SCN11A: variants seen among roughly 807,000 people sequenced by gnomAD.
The protein encoded by SCN11A is sodium channel protein type 11 subunit alpha.
Under a neutral mutation model 162.2 loss-of-function variants are expected in SCN11A, and 122 were observed. That is an observed-to-expected ratio of 0.75 (90% CI 0.65 to 0.87). The LOEUF (loss-of-function observed/expected upper bound fraction) is 0.87, where lower values mean the gene tolerates loss of function less well. SCN11A is among the 40% of genes least tolerant of loss of function. The pLI is 0.00. For synonymous variants in SCN11A, 758 were observed against 751.5 expected (o/e 1.01, Z -0.14); for missense variants, 2,015 against 2,181.6 (o/e 0.92, Z 1.52).
chr3:38,885,324 C>G lies in SCN11A; in HGVS notation c.3028G>C (p.Val1010Leu). The G allele has an allele frequency of 6.2e-7, 1 of 1,613,260 alleles. No homozygotes were observed. The highest frequency in any genetic ancestry group is 8.5e-7 in the Non-Finnish European group (1 of 1,179,238). Residue 1010 changes from valine (V) to leucine (L), a missense_variant, in exon 21 of 30, where the codon GTT becomes CTT. By Grantham distance (32) the Val-to-Leu change is conservative (BLOSUM62 1). Transcript: ENST00000302328. ...QDGFGWLPEM[V>L]PKKQPERCLP... ...CATCTCTCTGGTTGCTTTTTGGGAA[C>G]CATCTCAGGTAACCATCCAAAGCCA...
chr3:38,849,290 G>A (rs994859514), intron 29 of SCN11A: 1 of 82,888 alleles, frequency 1.2e-5, no homozygotes, highest in Non-Finnish European at 2.1e-5. Flanking sequence ...TTTTGCTGCT[G>A]TCAATTTCAC....
At chr3:38,999,529 C>T (rs1353121235) in intron 2 of SCN11A, among the ~76,000 whole-genome samples, 2 of 151,622 alleles carry the variant, frequency 1.3e-5, no homozygotes, top group African/African-American at 2.4e-5. Flanking sequence ...ATTTTCTCTT[C>T]TTCAATTGTA....
chr3:38,943,399 G>A (rs2066470058), intron 7 of SCN11A, among the ~76,000 whole-genome samples: 1 of 151,930 alleles, frequency 6.6e-6, no homozygotes, highest in Non-Finnish European at 1.5e-5. Context: ...CGATTGCAGT[G>A]GTTTATATTG....
chr3:38,989,176 C>T (rs972372402), intron 2 of SCN11A, among the ~76,000 whole-genome samples: 1 of 152,226 alleles, frequency 6.6e-6, no homozygotes, highest in East Asian at 1.9e-4. Context: ...CCACAAGTAG[C>T]GCTCTGGTCA....
At chr3:39,012,440 CTCTCTCTT>C (rs937203799) in intron 2 of SCN11A, among the ~76,000 whole-genome samples, 1 of 150,058 alleles carries the variant, frequency 6.7e-6, no homozygotes, top group Non-Finnish European at 1.5e-5. Context: ...CTTTCTTTCT[CTCTCTCTT>C]TCTCTCTTTC....
intron 2 of SCN11A, among the ~76,000 whole-genome samples, chr3:39,007,616 A>T (rs1279974251): frequency 1.3e-5 from 2 of 152,208 alleles, no homozygotes; most frequent in African/African-American, 4.8e-5. Context: ...AATAACACTT[A>T]AAAAAGTTTC....
chr3:38,938,512 A>T (rs1057309778), intron 7 of SCN11A, among the ~76,000 whole-genome samples: 1 of 10,348 alleles, frequency 9.7e-5, no homozygotes, highest in African/African-American at 3.7e-4. Context: ...AAAATATCAT[A>T]TATATATATA....
At chr3:38,974,709 A>AAAAAAAAAAAAAAAAAAAAAAAAAG (rs1553647127) in intron 2 of SCN11A, among the ~76,000 whole-genome samples, 1 of 130,372 alleles carries the variant, frequency 7.7e-6, no homozygotes. Flanking sequence ...AAAAAAAAAA[A>AAAAAAAAAAAAAAAAAAAAAAAAAG]AAAAGAAAAG....
intron 28 of SCN11A, among the ~76,000 whole-genome samples, chr3:38,857,013 A>C (rs1288307901): frequency 2.0e-5 from 3 of 152,218 alleles, no homozygotes; most frequent in South Asian, 4.1e-4. Flanking sequence ...AATTAAAAAT[A>C]AATCCAAGAA....
chr3:38,921,405 T>C, intron 9 of SCN11A, 150 bp from the exon 10 acceptor site: 2 of 700,140 alleles, frequency 2.9e-6, no homozygotes, highest in Non-Finnish European at 4.8e-6. Flanking sequence ...ATGCCTTGAG[T>C]TTGTGCTCCA....
intron 16 of SCN11A, among the ~76,000 whole-genome samples, chr3:38,900,296 A>G (rs1240898634): frequency 2.6e-5 from 4 of 152,174 alleles, no homozygotes; most frequent in Non-Finnish European, 5.9e-5. Flanking sequence ...AGAGCAATGT[A>G]ACCAAGCTCA....
intron 2 of SCN11A, among the ~76,000 whole-genome samples, chr3:38,969,582 G>T (rs1199220120): frequency 6.6e-6 from 1 of 152,318 alleles, no homozygotes; most frequent in East Asian, 1.9e-4. Flanking sequence ...CTGCAGTTTA[G>T]TGTTCTTTGA....
chr3:39,000,510 T>G (rs1292139545), intron 2 of SCN11A, among the ~76,000 whole-genome samples: 2 of 152,214 alleles, frequency 1.3e-5, no homozygotes, highest in Non-Finnish European at 2.9e-5. Context: ...AAGGGCGTTC[T>G]CAACTCCCCC....
chr3:39,010,009 C>T (rs112699056), intron 2 of SCN11A, among the ~76,000 whole-genome samples: 6,539 of 151,836 alleles, frequency 0.043, 259 homozygotes, highest in African/African-American at 0.1. Context: ...GCCATATTAA[C>T]GTAAAATGAT....
rs1559551774 is a variant in SCN11A at position 38,950,062 on chromosome 3, C to CA, written c.267+33dup. On this transcript the variant is annotated intron_variant, in intron 5 of 29. Coordinates refer to ENST00000302328, the MANE Select transcript of SCN11A (RefSeq NM_001349253.2). ...TACAACTGCATGGTTAGAACACCCC[C>CA]ACCCCCACCCCCCCCCCCCGCCCAA... 77 of 72,504 alleles carry CA rather than the reference C, an allele frequency of 1.1e-3. 1 individual carries two copies. The highest frequency in any genetic ancestry group is 4.8e-3 in the South Asian group (20 of 4,178). 4.5% of individuals were successfully genotyped at this position (72,504 alleles called of 1,614,324 possible).
intron 6 of SCN11A, among the ~76,000 whole-genome samples, chr3:38,946,450 A>G (rs1213440482): frequency 6.6e-6 from 1 of 152,140 alleles, no homozygotes; most frequent in African/African-American, 2.4e-5. Flanking sequence ...CCAGTTTACA[A>G]CTCTTTAGGT....
intron 2 of SCN11A, among the ~76,000 whole-genome samples, chr3:38,991,033 T>G (rs2030436928): frequency 6.6e-6 from 1 of 152,036 alleles, no homozygotes; most frequent in South Asian, 2.1e-4. Flanking sequence ...ATGTATATGG[T>G]TTTTTGTGCT....
intron 7 of SCN11A, among the ~76,000 whole-genome samples, chr3:38,940,612 G>A (rs552305412): frequency 1.3e-5 from 2 of 152,140 alleles, no homozygotes; most frequent in South Asian, 2.1e-4. Flanking sequence ...CATCTGGGAC[G>A]GAACTATGAA....
At chr3:38,946,675 C>A in intron 6 of SCN11A, 114 bp downstream of exon 6, 1 of 729,544 alleles carries the variant, frequency 1.4e-6, no homozygotes, top group African/African-American at 1.8e-5. Context: ...AGGCACTCAG[C>A]CAGTATTTGT....
Sources: gnomAD v4.1 joint callset for allele counts (sites outside exome capture counted in the v4.1 genomes callset) on GRCh38, gnomAD v4.1.1 for gene constraint, MANE v1.5 for transcripts, NCBI Gene and HGNC (gene_info 2026-07-23, HGNC 2026-07-21) for gene names.